FXR2: variants seen among roughly 807,000 people sequenced by gnomAD.
FXR2 encodes FMR1 autosomal homolog 2, also known as RNA-binding protein FXR2.
A neutral mutation model predicts 87.3 loss-of-function variants in FXR2; 9 were observed. The observed-to-expected ratio is 0.10, with a 90% CI of 0.06 to 0.18. The LOEUF (loss-of-function observed/expected upper bound fraction) is 0.18, where lower values mean the gene tolerates loss of function less well. FXR2 is among the 10% of genes least tolerant of loss of function. The pLI is 1.00. For synonymous variants in FXR2, 331 were observed against 328.3 expected, an observed-to-expected ratio of 1.01 and a Z score of -0.09; for missense variants, 661 against 893.6, an observed-to-expected ratio of 0.74 and a Z score of 3.32.
intron 1 of FXR2, among the ~76,000 whole-genome samples, chr17:7,607,125 C>A (rs950691632): frequency 2.0e-5 from 3 of 152,008 alleles, no homozygotes; most frequent in Non-Finnish European, 4.4e-5. Context: ...TCGAGACCAG[C>A]CTGCCAACAT....
In FXR2 at chr17:7,603,819, G is replaced by C; in HGVS notation, c.387C>G (p.Pro129=). The C allele has an allele frequency of 1.2e-6, 2 of 1,613,936 alleles. No homozygotes were observed. Among genetic ancestry groups the C allele is most frequent in the African/African-American group, 1.3e-5 (1 of 75,044 alleles). The change falls in exon 5 of 17, where the codon CCC becomes CCG. Residue 129 remains proline (P), a synonymous_variant. Transcript: ENST00000250113. ...LERLRPVNPN[P]LATKGSFFKV... is the part of the protein sequence containing the mutation. ...TGAAGAAGCTGCCTTTGGTTGCAAGGGGATTGGGATTAACTGGCCGAAGTC... is the reference window on the plus strand; with the variant it reads ...TGAAGAAGCTGCCTTTGGTTGCAAGCGGATTGGGATTAACTGGCCGAAGTC...
intron 1 of FXR2, among the ~76,000 whole-genome samples, chr17:7,610,049 C>CATGTATACGTATACATGTATGTATATAT (rs1567754155): frequency 2.8e-5 from 1 of 35,668 alleles, no homozygotes; most frequent in South Asian, 7.5e-4. Context: ...TATATATATA[C>CATGTATACGTATACATGTATGTATATAT]ACACACACAC....
intron 6 of FXR2, among the ~76,000 whole-genome samples, chr17:7,601,977 C>A (rs1002891109): frequency 3.9e-5 from 6 of 152,058 alleles, no homozygotes; most frequent in African/African-American, 1.4e-4. Flanking sequence ...GTCAGTCCCA[C>A]AAAGGCTGAC....
At position 7,593,685 on chromosome 17, in the gene FXR2, GCTTCTGCACCCTGACTGTCC is replaced by G; in HGVS notation, c.1108-80_1108-61del. On this transcript the variant is annotated intron_variant, in intron 11 of 16. Transcript: ENST00000250113. The surrounding 1 kb of genome is among the most constrained non-coding windows in gnomAD (Gnocchi z 6.1). ...AAATAAGATCAGTGCCTTGCTTCAT[GCTTCTGCACCCTGACTGTCC>G]CTCTATATCTAACCTCTCAGGAATG... is the stretch of plus-strand genomic sequence containing the variant. The G allele has an allele frequency of 1.2e-5, 14 of 1,160,818 alleles. No individual in the cohort carries two copies. Among genetic ancestry groups the G allele is most frequent in the Non-Finnish European group, 1.8e-5 (14 of 798,810 alleles). 71.9% of individuals were successfully genotyped at this position (1,160,818 alleles called of 1,614,324 possible). A position where few individuals can be genotyped will look rare whatever the true frequency, so the allele number is the denominator to read the frequency against.
At chr17:7,611,763 A>T (rs1408731135) in intron 1 of FXR2, among the ~76,000 whole-genome samples, 1 of 152,168 alleles carries the variant, frequency 6.6e-6, no homozygotes, top group African/African-American at 2.4e-5. Flanking sequence ...ACAATTCCAG[A>T]AGCAGTGTAA....
At position 7,593,080 on chromosome 17, in the gene FXR2, C is replaced by T. The variant is rs755459255; in HGVS notation, c.1432G>A (p.Glu478Lys). Residue 478 changes from glutamate to lysine, a missense_variant, in exon 13 of 17, where the codon GAA becomes AAA. By Grantham distance (56) the Glu-to-Lys change is moderately conservative. Around this residue, in one of 3 missense-constraint regions of FXR2, gnomAD observed 409 missense variants for 432.0 expected, o/e 0.95. Transcript: ENST00000250113. This position sits in a 1 kb window ranked among gnomAD's most constrained non-coding sequence, Gnocchi z 6.1. ...CCAGTCGGCCGCCTCCGGCTTTCTT[C>T]CCCTCGGGTTGGGGGATCCCTGTCG... ...PGDRDPPTRGEESRRRPTGGR... is the reference protein window; with the variant it reads ...PGDRDPPTRGKESRRRPTGGR... 1.3e-6 allele frequency: 2 copies of T among 1,592,238 alleles called. No homozygotes were observed. The highest frequency in any genetic ancestry group is 1.7e-6 in the Non-Finnish European group (2 of 1,170,960).
At chr17:7,613,858 G>A (rs2071901734) in intron 1 of FXR2, 1 of 354,446 alleles carries the variant, frequency 2.8e-6, no homozygotes, top group Middle Eastern at 1.0e-3. Context: ...GAAGCAACTT[G>A]ACTGATCCAA....
chr17:7,610,899 G>A (rs1160518745), intron 1 of FXR2, among the ~76,000 whole-genome samples: 1 of 152,076 alleles, frequency 6.6e-6, no homozygotes, highest in African/African-American at 2.4e-5. Flanking sequence ...TAGGTACTTT[G>A]GTTTCCTCAA....
In FXR2 at chr17:7,603,874, G is replaced by A; in HGVS notation, c.332C>T (p.Ala111Val). 1 of 1,613,916 alleles carries A rather than the reference G, an allele frequency of 6.2e-7. No homozygotes were observed. The highest frequency in any genetic ancestry group is 8.5e-7 in the Non-Finnish European group (1 of 1,179,848). Residue 111 changes from alanine (A) to valine (V), a missense_variant, in exon 5 of 17, where the codon GCC becomes GTC. Coordinates refer to ENST00000250113, the MANE Select transcript of FXR2 (RefSeq NM_004860.4). The part of the protein sequence containing the change: ...FYVIEYAACD[A>V]TYNEIVTLER... The stretch of plus-strand genomic sequence containing the variant: ...CAGGGTAACAATTTCATTGTAGGTG[G>A]CATCACAGGCAGCATATTCAATGAC...
chr17:7,601,659 T>A (rs12452603), intron 6 of FXR2, 134 bp from the exon 7 acceptor site: 1 of 609,854 alleles, frequency 1.6e-6, no homozygotes, highest in Admixed American at 2.6e-5. Context: ...CCGGGCGCGG[T>A]GGCTCATGCC....
chr17:7,593,468 G>T lies in FXR2; in HGVS notation c.1265C>A (p.Thr422Asn). Residue 422 changes from threonine (T) to asparagine (N), a missense_variant, in exon 12 of 17, where the codon ACT (threonine) becomes AAT (asparagine). By Grantham distance (65) the Thr-to-Asn change is moderately conservative. Coordinates refer to ENST00000250113, the MANE Select transcript of FXR2 (RefSeq NM_004860.4). The surrounding 1 kb of genome is among the most constrained non-coding windows in gnomAD (Gnocchi z 6.1). The stretch of plus-strand genomic sequence containing the variant: ...CCCATAGCTGCCCCCATAGGTTCGA[G>T]TCGCATGGAGGGAGGAGGAGGAGCT... Reference protein sequence around the residue: ...DESSSSSLHATRTYGGSYGGR... With the variant: ...DESSSSSLHANRTYGGSYGGR... 1 of 1,590,098 alleles carries T rather than the reference G, an allele frequency of 6.3e-7. No individual in the cohort carries two copies.
rs118174079 is a variant in FXR2 at position 7,593,521 on chromosome 17, G to T, written c.1212C>A (p.Ser404Arg). 1 of 1,587,014 alleles carries T rather than the reference G, an allele frequency of 6.3e-7. No homozygotes were observed. ...CATCAGTGCTATATCCAGCCTTGTC[G>T]CTGCCACCGCTGCCCCGCCCACTCC... ...PPGSGRGSGG[S>R]DKAGYSTDES... The change falls in exon 12 of 17, where the codon AGC becomes AGA. Residue 404 changes from serine (S) to arginine (R), a missense_variant. Around this residue, in one of 3 missense-constraint regions of FXR2, gnomAD observed 409 missense variants for 432.0 expected, o/e 0.95. Coordinates refer to ENST00000250113, the MANE Select transcript of FXR2 (RefSeq NM_004860.4). This position sits in a 1 kb window ranked among gnomAD's most constrained non-coding sequence, Gnocchi z 6.1.
At chr17:7,597,090 C>T (rs1366273260) in intron 7 of FXR2, among the ~76,000 whole-genome samples, 1 of 151,918 alleles carries the variant, frequency 6.6e-6, no homozygotes, top group Admixed American at 6.6e-5. Context: ...CAGAGCAAAA[C>T]TCTGTCTCAA....
chr17:7,600,346 G>A (rs971059964), intron 7 of FXR2, among the ~76,000 whole-genome samples: 3 of 151,878 alleles, frequency 2.0e-5, no homozygotes, highest in Non-Finnish European at 4.4e-5. Context: ...TTACAGGCAT[G>A]TGCCACCACG....
Position 7,594,588 on chromosome 17 carries a change from C to A in FXR2, c.910+91G>T. The A allele has an allele frequency of 1.2e-6, 1 of 864,138 alleles. No homozygotes were observed. Among genetic ancestry groups the A allele is most frequent in the South Asian group, 1.3e-5 (1 of 74,292 alleles). 53.5% of individuals were successfully genotyped at this position (864,138 alleles called of 1,614,324 possible). ...CTGTCCTTGTGAAACTGGGAGTCCA[C>A]AGGGAGGTGCCAATCCTGGATAAAA... On this transcript the variant is annotated intron_variant, in intron 9 of 16. Coordinates refer to ENST00000250113, the MANE Select transcript of FXR2 (RefSeq NM_004860.4). The surrounding 1 kb of genome is among the most constrained non-coding windows in gnomAD (Gnocchi z 5.1).
rs779592847 is a variant in FXR2 at position 7,592,805 on chromosome 17, G to T, written c.1618C>A (p.Pro540Thr). 6 of 1,613,466 alleles carry T rather than the reference G, an allele frequency of 3.7e-6. No individual in the cohort carries two copies. The highest frequency in any genetic ancestry group is 3.3e-5 in the Admixed American group (2 of 59,934). Residue 540 changes from proline to threonine, a missense_variant, in exon 14 of 17, where the codon CCA becomes ACA. By Grantham distance (38) the Pro-to-Thr change is conservative (BLOSUM62 -1). Transcript: ENST00000250113. The surrounding 1 kb of genome is among the most constrained non-coding windows in gnomAD (Gnocchi z 4.8). ...PVDSEPGEPPPASARRRRSRR... is the reference protein window; with the variant it reads ...PVDSEPGEPPTASARRRRSRR... ...GAGCGGCGGCGCCTGGCACTTGCTG[G>T]GGGGGGTTCCCCAGGTTCTGAATCA...
chr17:7,609,926 A>T (rs2071836910), intron 1 of FXR2, among the ~76,000 whole-genome samples: 1 of 122,574 alleles, frequency 8.2e-6, no homozygotes, highest in Non-Finnish European at 1.7e-5. Flanking sequence ...ATATACATGT[A>T]TATGTATATA....
In FXR2 at chr17:7,594,644, T is replaced by C; in HGVS notation, c.910+35A>G. ...GAATCACTGTAGAGAATCTTGATTC[T>C]GACCTCTAACTGTATATACACACCA... On this transcript the variant is annotated intron_variant, in intron 9 of 16. Coordinates refer to ENST00000250113, the MANE Select transcript of FXR2 (RefSeq NM_004860.4). This position sits in a 1 kb window ranked among gnomAD's most constrained non-coding sequence, Gnocchi z 5.1. The C allele has an allele frequency of 7.7e-7, 1 of 1,295,420 alleles. No individual in the cohort carries two copies. The highest frequency in any genetic ancestry group is 1.2e-5 in the South Asian group (1 of 84,524). The allele number at this position is 1,295,420 out of a possible 1,614,324, so 80.2% of individuals were successfully genotyped here. A position where few individuals can be genotyped will look rare whatever the true frequency, so the allele number is the denominator to read the frequency against.
At position 7,592,486 on chromosome 17, in the gene FXR2, T is replaced by G. The variant is rs184513651; in HGVS notation, c.1825+18A>C. The stretch of plus-strand genomic sequence containing the variant: ...TCTCAGCTCTGAGGAAGGATTCTGG[T>G]GTCCAGAGTTGGCTGACCTGGCTGG... On this transcript the variant is annotated intron_variant, in intron 15 of 16. Transcript: ENST00000250113. This position sits in a 1 kb window ranked among gnomAD's most constrained non-coding sequence, Gnocchi z 4.8. The G allele has an allele frequency of 3.7e-6, 6 of 1,606,622 alleles. 1 individual carries two copies. The highest frequency in any genetic ancestry group is 1.7e-4 in the Middle Eastern group (1 of 6,048).
Sources: gnomAD v4.1 joint callset for allele counts (sites outside exome capture counted in the v4.1 genomes callset) on GRCh38, gnomAD v4.1.1 for gene constraint, gnomAD v4.1.1 regional missense constraint, Gnocchi (gnomAD v3.1) non-coding constraint, MANE v1.5 for transcripts, NCBI Gene and HGNC (gene_info 2026-07-23, HGNC 2026-07-21) for gene names.